Variants in NECTIN2 observed in about 807,000 individuals in gnomAD.
NECTIN2 encodes the protein nectin-2.
Under a neutral mutation model 56.9 loss-of-function variants are expected in NECTIN2, and 23 were observed. The observed-to-expected ratio is 0.40, with a 90% confidence interval of 0.29 to 0.57. NECTIN2 has a LOEUF of 0.57. Ranked by LOEUF, NECTIN2 falls within the 20% of genes least tolerant of loss-of-function variation. The pLI is 0.38. For synonymous variants in NECTIN2, 302 were observed against 313.8 expected (o/e 0.96, Z 0.40); for missense variants, 587 against 718.3 (o/e 0.82, Z 2.09).
chr19:44,879,644 C>T (rs1479463720), intron 5 of NECTIN2, among the ~76,000 whole-genome samples: 3 of 152,118 alleles, frequency 2.0e-5, no homozygotes, highest in Non-Finnish European at 2.9e-5. Flanking sequence ...GGGGGAGGGG[C>T]GGCCCTTGGT....
Position 44,871,836 on chromosome 19 carries a change from T to C in NECTIN2, c.479-17T>C, listed in dbSNP as rs1568594920. On this transcript the variant is annotated splice_polypyrimidine_tract_variant and intron_variant, in intron 2 of 8. Coordinates refer to ENST00000252483, the MANE Select transcript of NECTIN2 (RefSeq NM_001042724.2). The stretch of plus-strand genomic sequence containing the variant: ...TGCCGGTGAGGAGTGACGCACCCCC[T>C]CTCCTCCTCTCCCCAGCCAAGCCCA... 6.2e-7 allele frequency: 1 copy of C among 1,607,240 alleles called. No individual in the cohort carries two copies. Among genetic ancestry groups the C allele is most frequent in the Admixed American group, 1.7e-5 (1 of 59,768 alleles).
intron 5 of NECTIN2, among the ~76,000 whole-genome samples, chr19:44,881,413 C>T (rs539300780): frequency 6.6e-6 from 1 of 151,922 alleles, no homozygotes; most frequent in South Asian, 2.1e-4. Context: ...GCAGGCCGAG[C>T]ACGGCATAAT....
At chr19:44,863,755 G>C (rs1727934543) in intron 1 of NECTIN2, among the ~76,000 whole-genome samples, 1 of 150,824 alleles carries the variant, frequency 6.6e-6, no homozygotes, top group Admixed American at 6.6e-5. Flanking sequence ...TGAGGCACAA[G>C]AATCCCTTGA....
Position 44,874,406 on chromosome 19 carries a change from A to G in NECTIN2, c.970A>G (p.Asn324Asp), listed in dbSNP as rs1282385297. The G allele has an allele frequency of 1.2e-6, 2 of 1,613,980 alleles. No individual in the cohort carries two copies. Among genetic ancestry groups the G allele is most frequent in the Admixed American group, 1.7e-5 (1 of 59,988 alleles). ...CATCCACGCAGTGGACAGTCTGTTC[A>G]ATACCACCTTCGTCTGCACAGTCAC... ...LVIHAVDSLF[N>D]TTFVCTVTNA... The change falls in exon 5 of 9, where the codon AAT becomes GAT. Residue 324 changes from asparagine (N) to aspartate (D), a missense_variant. Transcript: ENST00000252483. This position sits in a 1 kb window ranked among gnomAD's most constrained non-coding sequence, Gnocchi z 6.3.
chr19:44,863,743 G>A (rs942291821), intron 1 of NECTIN2, among the ~76,000 whole-genome samples: 1 of 151,576 alleles, frequency 6.6e-6, no homozygotes, highest in East Asian at 1.9e-4. Flanking sequence ...TACTCAGGAG[G>A]CTGAGGCACA....
intron 6 of NECTIN2, among the ~76,000 whole-genome samples, 160 bp from the exon 7 acceptor site, chr19:44,885,777 A>C (rs986311334): frequency 2.0e-5 from 3 of 152,246 alleles, no homozygotes; most frequent in African/African-American, 4.8e-5. Context: ...CTTCCGGGAA[A>C]AAGAGGAATT....
chr19:44,846,358 G>GGGGAGAGCTGGGCC lies in NECTIN2; in HGVS notation c.-159_-146dup, dbSNP rs1255673098. 2.5e-6 allele frequency: 2 copies of GGGGAGAGCTGGGCC among 812,694 alleles called. No homozygotes were observed. 50.3% of individuals were successfully genotyped at this position (812,694 alleles called of 1,614,324 possible). On this transcript the variant is annotated 5_prime_UTR_variant, in exon 1 of 9. Coordinates refer to ENST00000252483, the MANE Select transcript of NECTIN2 (RefSeq NM_001042724.2). ...AGAGGCCGGGGGTGCCGAGCCGGGCGGGGAGAGCTGGGCCGGGAGAGCAGA... is the reference window on the plus strand; with the variant it reads ...AGAGGCCGGGGGTGCCGAGCCGGGCGGGGAGAGCTGGGCCGGGAGAGCTGGGCCGGGAGAGCAGA...
At chr19:44,866,616 G>A (rs1490732102) in intron 2 of NECTIN2, among the ~76,000 whole-genome samples, 1 of 152,018 alleles carries the variant, frequency 6.6e-6, no homozygotes, top group Non-Finnish European at 1.5e-5. Context: ...GTATTTGAGG[G>A]CCAGGAAGGA....
rs549542407 is a variant in NECTIN2, at chr19:44,864,752, C to T, written c.89-519C>T. Reference sequence around the variant, plus strand: ...CTGAGGCAGGAGAATGGCGTGAACCCAGGAGGCGGAGCTTGCAGTGAGCCG... The same window carrying T: ...CTGAGGCAGGAGAATGGCGTGAACCTAGGAGGCGGAGCTTGCAGTGAGCCG... On this transcript the variant is annotated intron_variant, in intron 1 of 8. Coordinates refer to ENST00000252483, the MANE Select transcript of NECTIN2 (RefSeq NM_001042724.2). Among the ~76,000 whole-genome samples, 1,144 of 152,074 alleles carry T rather than the reference C, an allele frequency of 7.5e-3. 6 individuals are homozygous for T. The highest frequency in any genetic ancestry group is 0.013 in the Non-Finnish European group (910 of 67,972).
chr19:44,861,785 A>G (rs538568659), intron 1 of NECTIN2, among the ~76,000 whole-genome samples: 363 of 152,344 alleles, frequency 2.4e-3, no homozygotes, highest in Non-Finnish European at 4.2e-3. Context: ...ATGCAAATCA[A>G]AACAATGAGA....
intron 2 of NECTIN2, among the ~76,000 whole-genome samples, chr19:44,869,303 T>C (rs1292487354): frequency 1.3e-5 from 2 of 151,748 alleles, no homozygotes; most frequent in African/African-American, 2.4e-5. Flanking sequence ...TCAGAAAATA[T>C]GATTAAGGGC....
intron 6 of NECTIN2, 128 bp from the exon 7 acceptor site, chr19:44,885,807 CTT>C: frequency 2.6e-6 from 2 of 756,106 alleles, no homozygotes; most frequent in Middle Eastern, 2.5e-4. Context: ...AATAAAAACT[CTT>C]ACTCCAGGCA....
At chr19:44,853,746 C>G (rs35396326) in intron 1 of NECTIN2, among the ~76,000 whole-genome samples, 36,027 of 152,134 alleles carry the variant, frequency 0.24, 4,724 homozygotes, top group Admixed American at 0.33. Context: ...CTCGGCCTCC[C>G]AAAGTGTTGG....
Position 44,875,202 on chromosome 19 carries a change from C to G in NECTIN2, c.1042+724C>G, listed in dbSNP as rs981057694. 6.6e-6 allele frequency among the ~76,000 whole-genome samples: 1 copy of G among 152,214 alleles called. No individual in the cohort carries two copies. Among genetic ancestry groups the G allele is most frequent in the Admixed American group, 6.5e-5 (1 of 15,282 alleles). The stretch of plus-strand genomic sequence containing the variant: ...ACCCATTGTCACCAAGACACACACC[C>G]AGGAGGACAGTGGCACCAGCCAAGA... On this transcript the variant is annotated intron_variant, in intron 5 of 8. Coordinates refer to ENST00000252483, the MANE Select transcript of NECTIN2 (RefSeq NM_001042724.2). The surrounding 1 kb of genome is among the most constrained non-coding windows in gnomAD (Gnocchi z 4.2).
At chr19:44,872,217 T>C in intron 3 of NECTIN2, 68 bp downstream of exon 3, 3 of 1,532,152 alleles carry the variant, frequency 2.0e-6, no homozygotes, top group Non-Finnish European at 2.7e-6. Context: ...AAGCACTGTC[T>C]ACATTGTCTC....
chr19:44,846,718 G>T lies in NECTIN2; in HGVS notation c.88+105G>T. On this transcript the variant is annotated intron_variant, in intron 1 of 8. Transcript: ENST00000252483. The stretch of plus-strand genomic sequence containing the variant: ...TCCCCGCCCACCCCCGGCTCCCCGA[G>T]CCCCCTCTCGCGTGCCCCCTTCCTG... 3.1e-6 allele frequency: 4 copies of T among 1,270,394 alleles called. No individual in the cohort carries two copies. The South Asian group carries it at 6.0e-5, about 19-fold the overall frequency. The allele number at this position is 1,270,394 out of a possible 1,614,324, so 78.7% of individuals were successfully genotyped here. A position where few individuals can be genotyped will look rare whatever the true frequency, so the allele number is the denominator to read the frequency against.
intron 1 of NECTIN2, among the ~76,000 whole-genome samples, chr19:44,850,401 C>T (rs1968885997): frequency 6.6e-6 from 1 of 152,076 alleles, no homozygotes; most frequent in Non-Finnish European, 1.5e-5. Context: ...TCCTAGCATT[C>T]TGGGAGGTCC....
rs778687736 is a variant in NECTIN2 at position 44,882,215 on chromosome 19, C to T, written c.1047C>T (p.Thr349=). 1.7e-5 allele frequency: 25 copies of T among 1,486,020 alleles called. No homozygotes were observed. Among genetic ancestry groups the T allele is most frequent in the Non-Finnish European group, 2.2e-5 (25 of 1,111,168 alleles). The allele number at this position is 1,486,020 out of a possible 1,614,324, so 92.1% of individuals were successfully genotyped here. ...RAEQVIFVRE[T]PNTAGAGATG... is the part of the protein sequence containing the mutation. Reference sequence around the variant, plus strand: ...ACGCTGTCCCTCTCCTTGCAGAGACCCCCAACACAGCAGGCGCAGGGGCCA... The same window carrying T: ...ACGCTGTCCCTCTCCTTGCAGAGACTCCCAACACAGCAGGCGCAGGGGCCA... Residue 349 remains threonine, a synonymous_variant, in exon 6 of 9, where the codon ACC becomes ACT. Transcript: ENST00000252483.
At chr19:44,851,241 A>AACCTC in intron 1 of NECTIN2, among the ~76,000 whole-genome samples, 1 of 134,736 alleles carries the variant, frequency 7.4e-6, no homozygotes, top group South Asian at 2.5e-4. Flanking sequence ...CCAGGCCCCC[A>AACCTC]TCCTTCCCCT....
Sources: gnomAD v4.1 joint callset for allele counts (sites outside exome capture counted in the v4.1 genomes callset) on GRCh38, gnomAD v4.1.1 for gene constraint, Gnocchi (gnomAD v3.1) non-coding constraint, MANE v1.5 for transcripts, NCBI Gene and HGNC (gene_info 2026-07-23, HGNC 2026-07-21) for gene names.